The following PJA2 variants were observed in gnomAD, a reference collection of about 807,000 sequenced individuals.
PJA2 encodes praja ring finger ubiquitin ligase 2.
Under a neutral mutation model 69.3 loss-of-function variants are expected in PJA2, and 25 were observed. The ratio of observed to expected loss-of-function variants is 0.36; its 90% CI spans 0.26 to 0.50. PJA2 has a LOEUF of 0.50. Ranked by LOEUF, PJA2 falls within the 20% of genes least tolerant of loss-of-function variation. The pLI is 0.96. For missense variants in PJA2, 809 were observed against 830.2 expected, an observed-to-expected ratio of 0.97 and a Z score of 0.31; for synonymous variants, 308 against 277.8, an observed-to-expected ratio of 1.11 and a Z score of -1.08.
At chr5:109,394,154 TCTCCTGC>T (rs1582626290) in intron 1 of PJA2, among the ~76,000 whole-genome samples, 1 of 140,668 alleles carries the variant, frequency 7.1e-6, no homozygotes, top group East Asian at 2.2e-4. Flanking sequence ...TTTAAGCAAA[TCTCCTGC>T]CTCAGCCTCC....
At chr5:109,340,051 C>T (rs1762014785) in intron 9 of PJA2, among the ~76,000 whole-genome samples, 1 of 152,184 alleles carries the variant, frequency 6.6e-6, no homozygotes, top group African/African-American at 2.4e-5. Context: ...TATCTCTATG[C>T]AGACAATACT....
intron 4 of PJA2, among the ~76,000 whole-genome samples, chr5:109,377,653 T>C (rs1449941661): frequency 6.6e-6 from 1 of 152,136 alleles, no homozygotes; most frequent in Admixed American, 6.5e-5. Flanking sequence ...CTCAGTTTCC[T>C]TATTTACAAA....
Position 109,379,004 on chromosome 5 carries a change from T to C in PJA2, c.483A>G (p.Ala161=), listed in dbSNP as rs1313721894. 14 of 1,614,072 alleles carry C rather than the reference T, an allele frequency of 8.7e-6. No individual in the cohort carries two copies. The highest frequency in any genetic ancestry group is 2.7e-5 in the African/African-American group (2 of 74,932). ...GATCATAAGAGTCTGTATGAACCAA[T>C]GCAATTCCATTTTGGACACTTGAAG... ...CSASSVQNGI[A]LVHTDSYDPD... The change falls in exon 4 of 10, where the codon GCA becomes GCG. Residue 161 remains alanine (A), a synonymous_variant. Transcript: ENST00000361189.
intron 4 of PJA2, among the ~76,000 whole-genome samples, chr5:109,373,367 G>A (rs1371700928): frequency 1.3e-5 from 2 of 151,900 alleles, no homozygotes; most frequent in African/African-American, 4.8e-5. Context: ...GAATGAGAGG[G>A]GCTACCTCTC....
At chr5:109,396,000 C>CAAAAA (rs368922382) in intron 1 of PJA2, among the ~76,000 whole-genome samples, 2 of 107,926 alleles carry the variant, frequency 1.9e-5, no homozygotes, top group Middle Eastern at 4.2e-3. Context: ...AACTCTATCT[C>CAAAAA]AAAAAAAAAA....
At position 109,381,217 on chromosome 5, in the gene PJA2, T is replaced by C. The variant is rs1030287565; in HGVS notation, c.232+286A>G. 1.2e-4 allele frequency among the ~76,000 whole-genome samples: 19 copies of C among 152,298 alleles called. No homozygotes were observed. The East Asian group carries it at 2.7e-3, about 22-fold the overall frequency. Reference sequence around the variant, plus strand: ...TTTAAAAATTTCAAAATATATCTTTTTGATTCAAAGATGATTTCCTTTGGC... The same window carrying C: ...TTTAAAAATTTCAAAATATATCTTTCTGATTCAAAGATGATTTCCTTTGGC... On this transcript the variant is annotated intron_variant, in intron 3 of 9. Transcript: ENST00000361189.
chr5:109,343,429 T>G (rs111898209), intron 9 of PJA2, among the ~76,000 whole-genome samples: 1,715 of 150,600 alleles, frequency 0.011, 23 homozygotes, highest in Middle Eastern at 0.083. Flanking sequence ...TAGGAGCTAC[T>G]TGGTAGGTTA....
chr5:109,396,643 T>A (rs1285076439), intron 1 of PJA2, among the ~76,000 whole-genome samples: 1 of 151,154 alleles, frequency 6.6e-6, no homozygotes, highest in East Asian at 2.0e-4. Flanking sequence ...GTCAGGCTAG[T>A]CTTGAACTCC....
At chr5:109,397,478 T>C (rs1747439715) in intron 1 of PJA2, among the ~76,000 whole-genome samples, 1 of 151,732 alleles carries the variant, frequency 6.6e-6, no homozygotes, top group Non-Finnish European at 1.5e-5. Context: ...AAACCCTTCC[T>C]CAACACTTCT....
rs1746971604 is a variant in PJA2 at position 109,379,048 on chromosome 5, T to G, written c.439A>C (p.Ile147Leu). ...CTTGAAGCACTACAAGCTCCTGGAA[T>G]ATACTCTCCCTCAGAGTGATTATGA... ...NLHNHSEGEY[I>L]PGACSASSVQ... Residue 147 changes from isoleucine to leucine, a missense_variant, in exon 4 of 10, where the codon ATT (isoleucine) becomes CTT (leucine). Transcript: ENST00000361189. 1 of 1,614,154 alleles carries G rather than the reference T, an allele frequency of 6.2e-7. No homozygotes were observed. The highest frequency in any genetic ancestry group is 2.2e-5 in the East Asian group (1 of 44,860).
intron 8 of PJA2, among the ~76,000 whole-genome samples, 174 bp downstream of exon 8, chr5:109,344,531 G>A (rs113673021): frequency 6.8e-4 from 103 of 152,248 alleles, no homozygotes; most frequent in African/African-American, 2.1e-3. Context: ...TCAGCCTATC[G>A]CTTGAAAATT....
At chr5:109,392,564 A>AC (rs1747306005) in intron 1 of PJA2, among the ~76,000 whole-genome samples, 1 of 151,394 alleles carries the variant, frequency 6.6e-6, no homozygotes, top group African/African-American at 2.4e-5. Flanking sequence ...CCATCTCAAA[A>AC]AAAAAAAAAA....
At chr5:109,380,433 G>A (rs1469654163) in intron 3 of PJA2, among the ~76,000 whole-genome samples, 2 of 152,050 alleles carry the variant, frequency 1.3e-5, no homozygotes, top group African/African-American at 4.8e-5. Context: ...AATTTTAATT[G>A]AATAAGCCTT....
intron 9 of PJA2, among the ~76,000 whole-genome samples, chr5:109,342,024 C>T (rs1762075162): frequency 7.4e-6 from 1 of 135,816 alleles, no homozygotes; most frequent in African/African-American, 2.7e-5. Context: ...CCCCGCCGGG[C>T]CAGCCGCCCC....
chr5:109,361,813 C>T (rs914706934), intron 6 of PJA2, among the ~76,000 whole-genome samples: 2 of 152,206 alleles, frequency 1.3e-5, no homozygotes, highest in African/African-American at 4.8e-5. Flanking sequence ...GTCTGTTCTC[C>T]ACACATTTTT....
At chr5:109,397,163 C>G (rs1380273188) in intron 1 of PJA2, among the ~76,000 whole-genome samples, 1 of 152,138 alleles carries the variant, frequency 6.6e-6, no homozygotes, top group East Asian at 1.9e-4. Flanking sequence ...AGACAGCAGC[C>G]CTCACCAAAC....
At chr5:109,363,360 C>T (rs1041280715) in intron 5 of PJA2, among the ~76,000 whole-genome samples, 10 of 152,164 alleles carry the variant, frequency 6.6e-5, no homozygotes, top group Non-Finnish European at 2.9e-5. Context: ...TGAGTACTTT[C>T]CCTTCACAGT....
chr5:109,388,512 C>T (rs1225546897), intron 1 of PJA2, among the ~76,000 whole-genome samples: 3 of 152,090 alleles, frequency 2.0e-5, no homozygotes, highest in Non-Finnish European at 4.4e-5. Context: ...CAACAGGTAA[C>T]AAATACAAAC....
chr5:109,396,489 T>C (rs150597012), intron 1 of PJA2, among the ~76,000 whole-genome samples: 5,457 of 143,494 alleles, frequency 0.038, 108 homozygotes, highest in Middle Eastern at 0.052. Context: ...TGCAGTGGCG[T>C]GATCTCGGCT....
Sources: gnomAD v4.1 joint callset for allele counts (sites outside exome capture counted in the v4.1 genomes callset) on GRCh38, gnomAD v4.1.1 for gene constraint, MANE v1.5 for transcripts, NCBI Gene and HGNC (gene_info 2026-07-23, HGNC 2026-07-21) for gene names.